The following UBXN4 variants were observed in gnomAD, a reference collection of about 807,000 sequenced individuals.
The protein encoded by UBXN4 is UBX domain-containing protein 4.
A neutral mutation model predicts 66.2 loss-of-function variants in UBXN4; 35 were observed. That is an observed-to-expected ratio of 0.53 (90% CI 0.40 to 0.70). The LOEUF (loss-of-function observed/expected upper bound fraction) is 0.70, where lower values mean the gene tolerates loss of function less well. UBXN4 is among the 30% of genes least tolerant of loss of function. The pLI is 0.00. For missense variants in UBXN4, 533 were observed against 599.8 expected, an observed-to-expected ratio of 0.89 and a Z score of 1.16; for synonymous variants, 203 against 204.5, an observed-to-expected ratio of 0.99 and a Z score of 0.06.
At chr2:135,772,767 G>T (rs568346810) in intron 9 of UBXN4, among the ~76,000 whole-genome samples, 1 of 150,252 alleles carries the variant, frequency 6.7e-6, no homozygotes, top group Non-Finnish European at 1.5e-5. Context: ...AGCCGGGCGC[G>T]GTGGCTCACG....
intron 2 of UBXN4, among the ~76,000 whole-genome samples, chr2:135,750,398 C>T (rs921513089): frequency 6.6e-6 from 1 of 151,924 alleles, no homozygotes; most frequent in Non-Finnish European, 1.5e-5. Flanking sequence ...AATTTCTACT[C>T]GGGAGGCTGA....
At chr2:135,756,838 C>T (rs2077281565) in intron 5 of UBXN4, among the ~76,000 whole-genome samples, 2 of 152,018 alleles carry the variant, frequency 1.3e-5, no homozygotes, top group African/African-American at 4.8e-5. Context: ...GATATTTTTG[C>T]TGGATATAAA....
chr2:135,782,129 G>A (rs936058733), intron 12 of UBXN4, among the ~76,000 whole-genome samples: 3 of 152,194 alleles, frequency 2.0e-5, no homozygotes, highest in Non-Finnish European at 4.4e-5. Flanking sequence ...TCTTAGATTA[G>A]AGCAAAGGAT....
chr2:135,750,328 T>C (rs1490182294), intron 2 of UBXN4, among the ~76,000 whole-genome samples: 2 of 152,102 alleles, frequency 1.3e-5, no homozygotes, highest in Non-Finnish European at 2.9e-5. Flanking sequence ...CTTTTTGATA[T>C]TGATACTATC....
chr2:135,782,911 T>C lies in UBXN4; in HGVS notation c.*24T>C, dbSNP rs1221905683. 1 of 1,585,118 alleles carries C rather than the reference T, an allele frequency of 6.3e-7. No individual in the cohort carries two copies. The highest frequency in any genetic ancestry group is 1.8e-5 in the Admixed American group (1 of 54,134). On this transcript the variant is annotated 3_prime_UTR_variant, in exon 13 of 13. Coordinates refer to ENST00000272638, the MANE Select transcript of UBXN4 (RefSeq NM_014607.4). ...AGTGTGACAAGTATAATATGTGCAA[T>C]AATCATTGTTTCTCTTATGATTTAA...
chr2:135,766,167 A>T, intron 6 of UBXN4, among the ~76,000 whole-genome samples: 1 of 151,966 alleles, frequency 6.6e-6, no homozygotes. Flanking sequence ...AAAAAAAAAA[A>T]GTCGAAGCCC....
intron 6 of UBXN4, among the ~76,000 whole-genome samples, chr2:135,768,387 CA>C (rs1559541976): frequency 6.6e-6 from 1 of 151,164 alleles, no homozygotes; most frequent in Non-Finnish European, 1.5e-5. Context: ...TTAGTGGAAA[CA>C]GGGTTTCACC....
chr2:135,768,311 G>C (rs111655331), intron 6 of UBXN4, among the ~76,000 whole-genome samples: 35 of 151,942 alleles, frequency 2.3e-4, no homozygotes, highest in African/African-American at 8.0e-4. Flanking sequence ...CGATTCTCCT[G>C]GCTCAGCCTC....
chr2:135,764,440 C>T (rs771884933), intron 6 of UBXN4, among the ~76,000 whole-genome samples: 20 of 151,940 alleles, frequency 1.3e-4, no homozygotes, highest in Middle Eastern at 3.4e-3. Flanking sequence ...TAAAAAAAAA[C>T]GGATTGGTGA....
At position 135,770,637 on chromosome 2, in the gene UBXN4, C is replaced by A; in HGVS notation, c.724C>A (p.Gln242Lys). ...AGAAATGTTGGATTATAAAAGAAAA[C>A]AAGAAGAAGAATTAACAAAAAGAAT... is the stretch of plus-strand genomic sequence containing the variant. ...GKEMLDYKRKQEEELTKRMLE... is the reference protein window; with the variant it reads ...GKEMLDYKRKKEEELTKRMLE... The change falls in exon 8 of 13, where the codon CAA (glutamine) becomes AAA (lysine). Residue 242 changes from glutamine (Q) to lysine (K), a missense_variant. Physicochemically the swap from Gln to Lys is moderately conservative, Grantham distance 53. Coordinates refer to ENST00000272638, the MANE Select transcript of UBXN4 (RefSeq NM_014607.4). 5 of 1,562,960 alleles carry A rather than the reference C, an allele frequency of 3.2e-6. No individual in the cohort carries two copies. The highest frequency in any genetic ancestry group is 2.3e-5 in the East Asian group (1 of 42,666).
chr2:135,766,653 G>A lies in UBXN4; in HGVS notation c.603-3116G>A, dbSNP rs144404510. 4.9e-3 allele frequency among the ~76,000 whole-genome samples: 751 copies of A among 152,298 alleles called. 4 individuals carry two copies. Among genetic ancestry groups the A allele is most frequent in the African/African-American group, 0.017 (716 of 41,552 alleles). On this transcript the variant is annotated intron_variant, in intron 6 of 12. Transcript: ENST00000272638. ...TAAACTCTGATAAGAACATTACCAA[G>A]ATAATGTTTTGTCCTTTCCATTACT...
intron 6 of UBXN4, among the ~76,000 whole-genome samples, chr2:135,767,007 C>CG (rs950536105): frequency 2.0e-5 from 3 of 152,056 alleles, no homozygotes; most frequent in African/African-American, 4.8e-5. Context: ...TGCCCACCCC[C>CG]GCCCCCTTTT....
Position 135,741,871 on chromosome 2 carries a change from G to A in UBXN4, c.-59G>A, listed in dbSNP as rs1250445764. 2.6e-6 allele frequency: 4 copies of A among 1,547,648 alleles called. No homozygotes were observed. Among genetic ancestry groups the A allele is most frequent in the Non-Finnish European group, 3.5e-6 (4 of 1,141,994 alleles). On this transcript the variant is annotated 5_prime_UTR_variant, in exon 1 of 13. Coordinates refer to ENST00000272638, the MANE Select transcript of UBXN4 (RefSeq NM_014607.4). The stretch of plus-strand genomic sequence containing the variant: ...GAGCCGGACGAAGACGGAGGGCGGA[G>A]CCGGCTTCGGGACTGCGGAGACTAC...
At chr2:135,772,985 C>T (rs1295430205) in intron 9 of UBXN4, among the ~76,000 whole-genome samples, 3 of 134,812 alleles carry the variant, frequency 2.2e-5, no homozygotes, top group South Asian at 2.4e-4. Flanking sequence ...TGCAGTGAGC[C>T]GAGATTGCGC....
At chr2:135,754,032 A>ATTT in intron 3 of UBXN4, 127 bp from the exon 4 acceptor site, 1 of 702,102 alleles carries the variant, frequency 1.4e-6, no homozygotes, top group East Asian at 2.7e-5. Flanking sequence ...ACTTGAAATT[A>ATTT]TTTAATAAAT....
At position 135,784,679 on chromosome 2, in the gene UBXN4, A is replaced by T. The variant is rs936919762; in HGVS notation, c.*1792A>T. 1.3e-5 allele frequency: 2 copies of T among 152,654 alleles called. No homozygotes were observed. The highest frequency in any genetic ancestry group is 1.5e-5 in the Non-Finnish European group (1 of 68,032). 9.5% of individuals were successfully genotyped at this position (152,654 alleles called of 1,614,324 possible). A position where few individuals can be genotyped will look rare whatever the true frequency, so the allele number is the denominator to read the frequency against. On this transcript the variant is annotated 3_prime_UTR_variant, in exon 13 of 13. Coordinates refer to ENST00000272638, the MANE Select transcript of UBXN4 (RefSeq NM_014607.4). Reference sequence around the variant, plus strand: ...AAAATACAGCAATATGTGACTTTTTAAAAAAGCTGTCAAATAGGTGTGACC... The same window carrying T: ...AAAATACAGCAATATGTGACTTTTTTAAAAAGCTGTCAAATAGGTGTGACC...
intron 10 of UBXN4, among the ~76,000 whole-genome samples, chr2:135,778,634 A>G (rs2077432150): frequency 6.6e-6 from 1 of 152,212 alleles, no homozygotes; most frequent in Non-Finnish European, 1.5e-5. Context: ...TGAAAACCTA[A>G]TGATGAACTG....
At chr2:135,761,593 G>A (rs974794214) in intron 5 of UBXN4, among the ~76,000 whole-genome samples, 2 of 152,080 alleles carry the variant, frequency 1.3e-5, no homozygotes, top group Admixed American at 6.5e-5. Context: ...CTTTACCTTG[G>A]TGATTTTAAC....
chr2:135,742,049 C>T (rs556811149), intron 1 of UBXN4, 38 bp downstream of exon 1: 24 of 1,602,816 alleles, frequency 1.5e-5, no homozygotes, highest in East Asian at 1.4e-4. Context: ...GCCGGGACAC[C>T]CCTCCGGCCT....
Sources: gnomAD v4.1 joint callset for allele counts (sites outside exome capture counted in the v4.1 genomes callset) on GRCh38, gnomAD v4.1.1 for gene constraint, MANE v1.5 for transcripts, NCBI Gene and HGNC (gene_info 2026-07-23, HGNC 2026-07-21) for gene names.